Variants in METTL16 observed in about 807,000 individuals in gnomAD.
METTL16 encodes the protein RNA N(6)-adenosine-methyltransferase METTL16.
METTL16 carries 19 observed loss-of-function variants against 57.9 expected under a neutral mutation model. The ratio of observed to expected loss-of-function variants is 0.33; its 90% CI spans 0.23 to 0.48. The LOEUF is 0.48. METTL16 is among the 20% of genes least tolerant of loss of function. The pLI, the probability that METTL16 is intolerant of heterozygous loss-of-function variation, is 0.99. For missense variants in METTL16, 434 were observed against 691.5 expected (o/e 0.63, Z 4.18); for synonymous variants, 246 against 255.6 (o/e 0.96, Z 0.36).
intron 2 of METTL16, among the ~76,000 whole-genome samples, chr17:2,496,690 G>A (rs1013892622): frequency 6.6e-6 from 1 of 151,584 alleles, no homozygotes; most frequent in Non-Finnish European, 1.5e-5. Context: ...GTGTCCCCCA[G>A]AATTCCTTTG....
chr17:2,426,040 A>AC (rs1316156296), intron 8 of METTL16, among the ~76,000 whole-genome samples: 1 of 151,958 alleles, frequency 6.6e-6, no homozygotes, highest in East Asian at 1.9e-4. Context: ...CAAAAAAAAA[A>AC]AAAAAAAGCC....
chr17:2,439,039 C>T (rs893506474), intron 7 of METTL16, among the ~76,000 whole-genome samples: 2 of 152,136 alleles, frequency 1.3e-5, no homozygotes, highest in African/African-American at 4.8e-5. Flanking sequence ...GCTGAGAAGT[C>T]CTCTGACTCA....
intron 5 of METTL16, among the ~76,000 whole-genome samples, chr17:2,465,604 T>C (rs1334894670): frequency 6.8e-6 from 1 of 147,766 alleles, no homozygotes; most frequent in Non-Finnish European, 1.5e-5. Flanking sequence ...GGCTCATGCC[T>C]GTAATCCTAG....
At chr17:2,507,502 TG>T (rs1455295578) in intron 1 of METTL16, among the ~76,000 whole-genome samples, 1 of 133,782 alleles carries the variant, frequency 7.5e-6, no homozygotes, top group Non-Finnish European at 1.6e-5. Context: ...GGGAGGGAGG[TG>T]GGGGGGTCAG....
intron 6 of METTL16, among the ~76,000 whole-genome samples, chr17:2,446,913 C>G (rs1440099732): frequency 1.3e-5 from 2 of 151,410 alleles, no homozygotes; most frequent in Non-Finnish European, 3.0e-5. Context: ...AGTGCAGTGG[C>G]GTGATCTCGG....
intron 8 of METTL16, among the ~76,000 whole-genome samples, chr17:2,428,826 T>C (rs1037027033): frequency 3.3e-5 from 5 of 151,854 alleles, no homozygotes; most frequent in Admixed American, 1.3e-4. Flanking sequence ...TGGAAGATGC[T>C]AGGGAACCAC....
chr17:2,428,564 A>AATATATATATATATAT (rs71362532), intron 8 of METTL16, among the ~76,000 whole-genome samples: 2 of 31,336 alleles, frequency 6.4e-5, no homozygotes, highest in Non-Finnish European at 1.0e-4. Context: ...AAAAAAAAAA[A>AATATATATATATATAT]ATATATATAT....
intron 1 of METTL16, among the ~76,000 whole-genome samples, chr17:2,510,271 TGAGTA>T (rs2067578334): frequency 2.0e-5 from 3 of 152,190 alleles, no homozygotes; most frequent in Admixed American, 6.5e-5. Context: ...TTCACCACTT[TGAGTA>T]TTTTTTATAT....
Position 2,420,332 on chromosome 17 carries a change from C to T in METTL16, c.1327G>A (p.Ala443Thr), listed in dbSNP as rs200997068. The change falls in exon 10 of 10, where the codon GCT (alanine) becomes ACT (threonine). Residue 443 changes from alanine (A) to threonine (T), a missense_variant. By Grantham distance (58) the Ala-to-Thr change is moderately conservative. Transcript: ENST00000263092. This position sits in a 1 kb window ranked among gnomAD's most constrained non-coding sequence, Gnocchi z 5.4. The stretch of plus-strand genomic sequence containing the variant: ...TGGCTCGGGCACGGGCCCTCCACAG[C>T]GGCAGCCTCGCCTTCCCGCAGAGCA... ...GPALREGEAA[A>T]VEGPCPSQES... 6.8e-6 allele frequency: 11 copies of T among 1,611,702 alleles called. No individual in the cohort carries two copies. The highest frequency in any genetic ancestry group is 3.3e-5 in the Admixed American group (2 of 60,032).
At chr17:2,478,658 G>A (rs557034659) in intron 2 of METTL16, among the ~76,000 whole-genome samples, 1 of 152,172 alleles carries the variant, frequency 6.6e-6, no homozygotes, top group South Asian at 2.1e-4. Flanking sequence ...CATTTCCAAC[G>A]TTAGCCTGAG....
At chr17:2,499,739 A>G (rs2067473837) in intron 2 of METTL16, among the ~76,000 whole-genome samples, 1 of 152,130 alleles carries the variant, frequency 6.6e-6, no homozygotes, top group Non-Finnish European at 1.5e-5. Flanking sequence ...AAGCATTCAC[A>G]TATAGGCTGT....
At chr17:2,434,936 TAACA>T (rs2066899016) in intron 8 of METTL16, among the ~76,000 whole-genome samples, 2 of 152,180 alleles carry the variant, frequency 1.3e-5, no homozygotes, top group Admixed American at 1.3e-4. Flanking sequence ...CTTTTTCTCC[TAACA>T]AACGTCAAAC....
rs1567881605 is a variant in METTL16, at chr17:2,428,585, ATATATATATATATATAT to A, written c.889-7698_889-7682del. ...AAAAAATATATATATATATATATAT[ATATATATATATATATAT>A]AAATTGTAATACAGCGGGGCACAGT... is the stretch of plus-strand genomic sequence containing the variant. On this transcript the variant is annotated intron_variant, in intron 8 of 9. Coordinates refer to ENST00000263092, the MANE Select transcript of METTL16 (RefSeq NM_024086.4). Among the ~76,000 whole-genome samples the A allele has an allele frequency of 4.2e-4, 20 of 47,602 alleles. 1 individual carries two copies. The highest frequency in any genetic ancestry group is 1.8e-3 in the African/African-American group (20 of 10,858). The allele number at this position is 47,602 out of a possible 152,430, so 31.2% of individuals were successfully genotyped here.
chr17:2,508,660 C>T (rs146177552), intron 1 of METTL16, among the ~76,000 whole-genome samples: 2,237 of 152,242 alleles, frequency 0.015, 28 homozygotes, highest in Middle Eastern at 0.054. Context: ...GAGTCTCAAA[C>T]TGATCTCTTC....
intron 8 of METTL16, among the ~76,000 whole-genome samples, chr17:2,430,572 C>G (rs988680969): frequency 4.4e-5 from 6 of 135,930 alleles, no homozygotes; most frequent in Non-Finnish European, 9.7e-5. Context: ...CCCACCACCA[C>G]GCCGGGCTAA....
intron 6 of METTL16, among the ~76,000 whole-genome samples, chr17:2,443,520 T>C (rs2066969269): frequency 6.8e-6 from 1 of 147,980 alleles, no homozygotes; most frequent in Non-Finnish European, 1.5e-5. Flanking sequence ...ACAGTCTCAC[T>C]CTGTCACCCA....
chr17:2,423,261 GGTGTGTGTGTGTGTGTGTGTGTGTGTGT>G (rs58486923), intron 8 of METTL16, among the ~76,000 whole-genome samples: 10 of 143,602 alleles, frequency 7.0e-5, no homozygotes, highest in African/African-American at 2.5e-4. Flanking sequence ...AAAAACAAAG[GGTGTGTGTGTGTGTGTGTGTGTGTGTGT>G]GTGTGTGTGT....
At chr17:2,473,440 T>G in intron 4 of METTL16, 84 bp downstream of exon 4, 1 of 1,450,306 alleles carries the variant, frequency 6.9e-7, no homozygotes, top group Non-Finnish European at 9.2e-7. Context: ...GTCTGTGTAT[T>G]AAAGAAAAAG....
intron 2 of METTL16, among the ~76,000 whole-genome samples, chr17:2,493,609 C>T (rs939811800): frequency 2.6e-5 from 4 of 151,544 alleles, no homozygotes; most frequent in Non-Finnish European, 5.9e-5. Flanking sequence ...ATTCCAGCTA[C>T]TCAGGAGACT....
Sources: allele counts gnomAD v4.1 joint callset (sites outside exome capture counted in the v4.1 genomes callset), GRCh38; gene constraint gnomAD v4.1.1; non-coding constraint Gnocchi (gnomAD v3.1); transcripts MANE v1.5; gene names NCBI Gene and HGNC (gene_info 2026-07-23, HGNC 2026-07-21).